DACH1: variants seen among roughly 807,000 people sequenced by gnomAD.
DACH1 encodes the protein dachshund family transcription factor 1.
A neutral mutation model predicts 54.2 loss-of-function variants in DACH1; 12 were observed. That is an observed-to-expected ratio of 0.22 (90% CI 0.14 to 0.36). DACH1 has a LOEUF of 0.36. Ranked by LOEUF, DACH1 falls within the 10% of genes least tolerant of loss-of-function variation. The pLI, the probability that DACH1 is intolerant of heterozygous loss-of-function variation, is 1.00. For synonymous variants in DACH1, 386 were observed against 366.2 expected, an observed-to-expected ratio of 1.05 and a Z score of -0.62; for missense variants, 805 against 929.8, an observed-to-expected ratio of 0.87 and a Z score of 1.75.
At position 71,519,883 on chromosome 13, in the gene DACH1, G is replaced by GTATATA. The variant is rs57190375; in HGVS notation, c.1571-30741_1571-30736dup. On this transcript the variant is annotated intron_variant, in intron 6 of 10. Coordinates refer to ENST00000613252, the MANE Select transcript of DACH1 (RefSeq NM_080759.6). ...AGATGTTTGTGTCCAAACCAAAGTA[G>GTATATA]TATATATATATATATATATATATAT... is the stretch of plus-strand genomic sequence containing the variant. 9.2e-3 allele frequency among the ~76,000 whole-genome samples: 269 copies of GTATATA among 29,358 alleles called. 26 individuals carry two copies. The highest frequency in any genetic ancestry group is 0.078 in the South Asian group (34 of 438). 19.3% of individuals were successfully genotyped at this position (29,358 alleles called of 152,430 possible).
chr13:71,561,278 A>G (rs966444001), intron 4 of DACH1, among the ~76,000 whole-genome samples: 5 of 152,174 alleles, frequency 3.3e-5, no homozygotes, highest in Admixed American at 6.5e-5. Context: ...TGTTCCCCAA[A>G]AAGATCTGTT....
At chr13:71,518,622 A>C (rs1411526982) in intron 6 of DACH1, among the ~76,000 whole-genome samples, 1 of 151,874 alleles carries the variant, frequency 6.6e-6, no homozygotes, top group East Asian at 1.9e-4. Context: ...CCAAGTTACT[A>C]ACACTCTGTC....
intron 7 of DACH1, 147 bp downstream of exon 7, chr13:71,488,850 G>A (rs1209628665): frequency 1.8e-6 from 1 of 544,648 alleles, no homozygotes. Flanking sequence ...TAGTGTAACA[G>A]GTTTAAAATC....
At chr13:71,468,241 T>C (rs902470571) in intron 10 of DACH1, among the ~76,000 whole-genome samples, 5 of 152,190 alleles carry the variant, frequency 3.3e-5, no homozygotes, top group Admixed American at 6.5e-5. Flanking sequence ...GTAAATATAT[T>C]GTAATAATAA....
intron 2 of DACH1, among the ~76,000 whole-genome samples, chr13:71,672,334 G>T (rs190414824): frequency 2.0e-5 from 3 of 152,226 alleles, no homozygotes; most frequent in African/African-American, 7.2e-5. Context: ...GACACAAACT[G>T]CAAGGTTTTT....
chr13:71,857,354 G>A (rs1874066463), intron 1 of DACH1, among the ~76,000 whole-genome samples: 1 of 151,200 alleles, frequency 6.6e-6, no homozygotes, highest in African/African-American at 2.4e-5. Context: ...TTGATGTATT[G>A]TTTCATGTTT....
intron 1 of DACH1, among the ~76,000 whole-genome samples, chr13:71,804,588 G>A (rs1018507267): frequency 6.6e-6 from 1 of 152,118 alleles, no homozygotes; most frequent in Admixed American, 6.6e-5. Flanking sequence ...TGACCCTCTA[G>A]CTAAATCTTA....
intron 1 of DACH1, among the ~76,000 whole-genome samples, chr13:71,833,321 T>C (rs1888663645): frequency 6.6e-6 from 1 of 151,982 alleles, no homozygotes; most frequent in African/African-American, 2.4e-5. Context: ...TCTCATAGTT[T>C]CATCCTTTTT....
At chr13:71,748,866 C>CT (rs748491488) in intron 1 of DACH1, among the ~76,000 whole-genome samples, 21 of 30,604 alleles carry the variant, frequency 6.9e-4, no homozygotes, top group Non-Finnish European at 3.6e-3. Context: ...TTCTTTCTTT[C>CT]TTTCTTTCTT....
Position 71,440,493 on chromosome 13 carries a change from CTTT to C in DACH1, c.*159_*161del. 3 of 448,746 alleles carry C rather than the reference CTTT, an allele frequency of 6.7e-6. No individual in the cohort carries two copies. Among genetic ancestry groups the C allele is most frequent in the Non-Finnish European group, 7.7e-6 (2 of 259,064 alleles). The allele number at this position is 448,746 out of a possible 1,614,324, so 27.8% of individuals were successfully genotyped here. A position where few individuals can be genotyped will look rare whatever the true frequency, so the allele number is the denominator to read the frequency against. On this transcript the variant is annotated 3_prime_UTR_variant, in exon 11 of 11. Coordinates refer to ENST00000613252, the MANE Select transcript of DACH1 (RefSeq NM_080759.6). ...CACAGGTGAAAATCAATGGAGAAAA[CTTT>C]TTTTTTTTTTGTAGAATACTTAAAC...
chr13:71,583,054 A>C (rs1872960858), intron 3 of DACH1, among the ~76,000 whole-genome samples: 1 of 152,156 alleles, frequency 6.6e-6, no homozygotes, highest in Non-Finnish European at 1.5e-5. Flanking sequence ...ATAAGGATTT[A>C]TTTTCTCAAA....
At chr13:71,838,648 T>C (rs1289956898) in intron 1 of DACH1, among the ~76,000 whole-genome samples, 2 of 152,154 alleles carry the variant, frequency 1.3e-5, no homozygotes, top group African/African-American at 2.4e-5. Context: ...TTTGAAGCAA[T>C]TTTAGTTTGT....
chr13:71,465,899 G>A (rs9599847), intron 10 of DACH1, among the ~76,000 whole-genome samples: 8,442 of 152,018 alleles, frequency 0.056, 336 homozygotes, highest in Middle Eastern at 0.082. Context: ...CCTCAGCCCC[G>A]CAGCTAATTG....
At chr13:71,541,353 T>C (rs527239777) in intron 6 of DACH1, among the ~76,000 whole-genome samples, 1 of 152,068 alleles carries the variant, frequency 6.6e-6, no homozygotes, top group Non-Finnish European at 1.5e-5. Context: ...TAAACTTTAT[T>C]GTATGTTTGA....
chr13:71,529,183 G>GTTTTTTTTTGTTTTTTTTTTTTTTT (rs1882223472), intron 6 of DACH1, among the ~76,000 whole-genome samples: 3 of 80,982 alleles, frequency 3.7e-5, no homozygotes, highest in African/African-American at 1.3e-4. Context: ...TGTGATTTGG[G>GTTTTTTTTTGTTTTTTTTTTTTTTT]TTTTTTTTTT....
chr13:71,858,919 A>ATC (rs916320691), intron 1 of DACH1, among the ~76,000 whole-genome samples: 1 of 146,112 alleles, frequency 6.8e-6, no homozygotes, highest in African/African-American at 2.5e-5. Flanking sequence ...CTCTCTCTGT[A>ATC]TCTCTCTCTC....
chr13:71,865,827 C>T, intron 1 of DACH1, 95 bp downstream of exon 1: 1 of 1,331,426 alleles, frequency 7.5e-7, no homozygotes, highest in South Asian at 2.0e-5. Flanking sequence ...GGCTCGCGGG[C>T]GCGCAGAGCG....
intron 1 of DACH1, among the ~76,000 whole-genome samples, chr13:71,798,361 T>TATATATAC (rs56284845): frequency 3.3e-5 from 4 of 121,408 alleles, no homozygotes; most frequent in African/African-American, 1.1e-4. Flanking sequence ...TATATATATA[T>TATATATAC]ATCCATTACC....
intron 1 of DACH1, among the ~76,000 whole-genome samples, chr13:71,701,192 T>C (rs1484155119): frequency 2.0e-5 from 3 of 152,130 alleles, no homozygotes; most frequent in African/African-American, 7.2e-5. Context: ...ATTTAAATCT[T>C]TTTTTAATAA....
Sources: gnomAD v4.1 joint callset for allele counts (sites outside exome capture counted in the v4.1 genomes callset) on GRCh38, gnomAD v4.1.1 for gene constraint, MANE v1.5 for transcripts, NCBI Gene and HGNC (gene_info 2026-07-23, HGNC 2026-07-21) for gene names.